The following MACF1 variants were observed in gnomAD, a reference collection of about 807,000 sequenced individuals.
MACF1 encodes the protein microtubule-actin cross-linking factor 1.
Under a neutral mutation model 854.8 loss-of-function variants are expected in MACF1, and 193 were observed. The ratio of observed to expected loss-of-function variants is 0.23; its 90% CI spans 0.20 to 0.25. The LOEUF (loss-of-function observed/expected upper bound fraction) is 0.25, where lower values mean the gene tolerates loss of function less well. Among genes scored for constraint, MACF1 ranks in the 10% least tolerant of loss-of-function variants. MACF1 has a pLI of 1.00. For missense variants in MACF1, 7,722 were observed against 8,929.1 expected, an observed-to-expected ratio of 0.86 and a Z score of 5.45; for synonymous variants, 3,185 against 3,226.7, an observed-to-expected ratio of 0.99 and a Z score of 0.44.
At chr1:39,127,850 TAAAAA>T (rs549522388) in intron 2 of MACF1, among the ~76,000 whole-genome samples, 2,496 of 148,070 alleles carry the variant, frequency 0.017, 55 homozygotes, top group African/African-American at 0.058. Flanking sequence ...GTAAGTTACT[TAAAAA>T]AAAAAATGTC....
At chr1:39,342,979 A>G (rs180707724) in intron 40 of MACF1, among the ~76,000 whole-genome samples, 53 of 152,322 alleles carry the variant, frequency 3.5e-4, no homozygotes, top group Admixed American at 3.2e-3. Flanking sequence ...TTTATTTACA[A>G]AAAAACACGT....
chr1:39,382,081 C>T lies in MACF1; in HGVS notation c.13777C>T (p.Leu4593=). Residue 4593 remains leucine (L), a synonymous_variant, in exon 56 of 101, where the codon CTG becomes TTG. Coordinates refer to ENST00000564288, the MANE Select transcript of MACF1 (RefSeq NM_001394062.1). ...QLRPWLMEKE[L]MMGVLGPLSI... ...CCGGCCGTGGCTGATGGAGAAAGAA[C>T]TGATGATGGGAGTGCTGGGGCCCCT... The T allele has an allele frequency of 6.2e-7, 1 of 1,614,144 alleles. No individual in the cohort carries two copies.
intron 79 of MACF1, among the ~76,000 whole-genome samples, chr1:39,444,318 A>C (rs1179505316): frequency 1.3e-5 from 2 of 152,114 alleles, no homozygotes; most frequent in African/African-American, 4.8e-5. Context: ...CCTGGGTGAC[A>C]GAGTGAGACT....
intron 2 of MACF1, among the ~76,000 whole-genome samples, chr1:39,190,383 G>A (rs1399001603): frequency 1.7e-5 from 2 of 116,732 alleles, no homozygotes; most frequent in Non-Finnish European, 3.5e-5. Context: ...GTGTGTGTGT[G>A]TGTGTGTGTT....
chr1:39,308,491 A>G (rs1646235033), intron 23 of MACF1, among the ~76,000 whole-genome samples: 3 of 151,992 alleles, frequency 2.0e-5, no homozygotes, highest in South Asian at 2.1e-4. Flanking sequence ...CCTGTTCTTT[A>G]TATCTCACAT....
chr1:39,345,567 C>G (rs1051401499), intron 40 of MACF1, among the ~76,000 whole-genome samples: 9 of 152,128 alleles, frequency 5.9e-5, no homozygotes, highest in African/African-American at 1.9e-4. Flanking sequence ...GTTTTGTATG[C>G]ATCACTGCAC....
chr1:39,214,116 G>A (rs1644547904), intron 1 of MACF1, among the ~76,000 whole-genome samples: 1 of 152,284 alleles, frequency 6.6e-6, no homozygotes, highest in African/African-American at 2.4e-5. Flanking sequence ...TCAGGAACAG[G>A]ATTGAAAGCA....
At chr1:39,307,633 C>T (rs1029544850) in intron 23 of MACF1, among the ~76,000 whole-genome samples, 3 of 152,068 alleles carry the variant, frequency 2.0e-5, no homozygotes, top group African/African-American at 7.2e-5. Context: ...AGTGCAGTGG[C>T]GCGATCTTGG....
chr1:39,463,490 C>CA (rs58454766), intron 93 of MACF1, 122 bp from the exon 94 acceptor site: 52,419 of 504,676 alleles, frequency 0.1, 1,059 homozygotes, highest in African/African-American at 0.25. Context: ...AACTCCATCT[C>CA]AAAAAAAAAA....
In MACF1 at chr1:39,385,912, G is replaced by A. The variant is rs1406395295; in HGVS notation, c.14327G>A (p.Gly4776Asp). The A allele has an allele frequency of 6.2e-7, 1 of 1,608,312 alleles. No individual in the cohort carries two copies. The highest frequency in any genetic ancestry group is 1.3e-5 in the African/African-American group (1 of 74,752). The change falls in exon 57 of 101, where the codon GGT becomes GAT. Residue 4776 changes from glycine to aspartate, a missense_variant. Gly to Asp is a moderately conservative substitution (Grantham distance 94). This residue lies in a region of MACF1 where 2,807 missense variants were observed against 3,235.8 expected (regional missense o/e 0.87). Coordinates refer to ENST00000564288, the MANE Select transcript of MACF1 (RefSeq NM_001394062.1). ...RLETVALPLQ[G>D]LEDLAADRIN... ...GAGACAGTTGCCCTGCCTCTCCAAG[G>A]TTTAGAAGACCTTGCAGGTAAGTTG...
chr1:39,329,494 T>TA (rs1401609960), intron 36 of MACF1, among the ~76,000 whole-genome samples: 1 of 152,184 alleles, frequency 6.6e-6, no homozygotes, highest in Non-Finnish European at 1.5e-5. Context: ...TTACAGAACT[T>TA]ACTCACTGAG....
chr1:39,272,885 G>A (rs1326491208), intron 6 of MACF1, among the ~76,000 whole-genome samples: 1 of 152,160 alleles, frequency 6.6e-6, no homozygotes, highest in African/African-American at 2.4e-5. Flanking sequence ...ATTTGGAGCT[G>A]GATGGGAACA....
chr1:39,309,509 G>A, intron 23 of MACF1, 61 bp from the exon 24 acceptor site: 3 of 1,592,928 alleles, frequency 1.9e-6, no homozygotes, highest in Admixed American at 1.7e-5. Flanking sequence ...TTCCTTAGAA[G>A]GTCTCTAATG....
chr1:39,166,205 T>C (rs1280451196), intron 2 of MACF1, among the ~76,000 whole-genome samples: 1 of 151,620 alleles, frequency 6.6e-6, no homozygotes, highest in Non-Finnish European at 1.5e-5. Context: ...GTAGCTGGGA[T>C]TATAGGCGTG....
At chr1:39,435,139 A>T (rs756191142) in intron 69 of MACF1, among the ~76,000 whole-genome samples, 12 of 152,226 alleles carry the variant, frequency 7.9e-5, no homozygotes, top group Non-Finnish European at 1.6e-4. Context: ...GAGTGGTTGG[A>T]TTGCCAAAAA....
At chr1:39,427,927 TTC>T (rs1318754897) in intron 62 of MACF1, 32 bp from the exon 63 acceptor site, 1 of 1,466,524 alleles carries the variant, frequency 6.8e-7, no homozygotes, top group Non-Finnish European at 9.4e-7. Flanking sequence ...TTTATTTTGT[TTC>T]TGTTATTCAT....
intron 2 of MACF1, among the ~76,000 whole-genome samples, chr1:39,180,636 G>A (rs559682218): frequency 6.6e-6 from 1 of 152,110 alleles, no homozygotes; most frequent in South Asian, 2.1e-4. Context: ...ACACAAAGAA[G>A]ATGTACTTTC....
intron 43 of MACF1, among the ~76,000 whole-genome samples, chr1:39,351,842 C>G (rs1341640823): frequency 6.6e-6 from 1 of 152,052 alleles, no homozygotes; most frequent in Non-Finnish European, 1.5e-5. Context: ...CCTGCCTCGG[C>G]CTCCCAAAGT....
intron 37 of MACF1, 150 bp downstream of exon 37, chr1:39,336,803 T>A: frequency 1.3e-6 from 1 of 799,694 alleles, no homozygotes; most frequent in Non-Finnish European, 1.8e-6. Flanking sequence ...TAACTTAGTT[T>A]ATCATCATCT....
Sources: gnomAD v4.1 joint callset for allele counts (sites outside exome capture counted in the v4.1 genomes callset) on GRCh38, gnomAD v4.1.1 for gene constraint, gnomAD v4.1.1 regional missense constraint, MANE v1.5 for transcripts, NCBI Gene and HGNC (gene_info 2026-07-23, HGNC 2026-07-21) for gene names.